GRM7: variants seen among roughly 807,000 people sequenced by gnomAD.
GRM7 encodes glutamate metabotropic receptor 7.
Under a neutral mutation model 84.5 loss-of-function variants are expected in GRM7, and 35 were observed. The observed-to-expected ratio is 0.41, with a 90% CI of 0.32 to 0.55. The LOEUF is 0.55. Among genes scored for constraint, GRM7 ranks in the 20% least tolerant of loss-of-function variants. The pLI, the probability that GRM7 is intolerant of heterozygous loss-of-function variation, is 0.19. For missense variants in GRM7, 1,003 were observed against 1,194.6 expected, an observed-to-expected ratio of 0.84 and a Z score of 2.36; for synonymous variants, 487 against 455.1, an observed-to-expected ratio of 1.07 and a Z score of -0.89.
intron 3 of GRM7, 81 bp downstream of exon 3, chr3:7,298,906 GA>G (rs753233129): frequency 1.1e-4 from 135 of 1,252,104 alleles, no homozygotes; most frequent in Non-Finnish European, 1.4e-4. Context: ...GCTGAGACAG[GA>G]AAAGATAGCA....
intron 1 of GRM7, among the ~76,000 whole-genome samples, chr3:6,962,087 A>G (rs1693324411): frequency 6.6e-6 from 1 of 152,142 alleles, no homozygotes; most frequent in Non-Finnish European, 1.5e-5. Context: ...GCTAAATTTT[A>G]TGGTACGTCC....
At chr3:7,654,963 A>T (rs1299577826) in intron 8 of GRM7, among the ~76,000 whole-genome samples, 1 of 151,954 alleles carries the variant, frequency 6.6e-6, no homozygotes, top group Middle Eastern at 3.2e-3. Context: ...TCCCTCTTAC[A>T]CTGGGAAGTC....
chr3:6,899,956 GT>G, intron 1 of GRM7, among the ~76,000 whole-genome samples: 1 of 152,168 alleles, frequency 6.6e-6, no homozygotes, highest in African/African-American at 2.4e-5. Context: ...AGTCAAATAC[GT>G]CTTTGTCAAA....
chr3:7,393,208 A>G (rs1017746296), intron 4 of GRM7, among the ~76,000 whole-genome samples: 1 of 152,098 alleles, frequency 6.6e-6, no homozygotes, highest in African/African-American at 2.4e-5. Flanking sequence ...CAGTGCAGCA[A>G]CTGCAGCTGT....
chr3:7,288,609 A>G (rs1699512566), intron 2 of GRM7, among the ~76,000 whole-genome samples: 1 of 152,174 alleles, frequency 6.6e-6, no homozygotes, highest in Non-Finnish European at 1.5e-5. Flanking sequence ...TGTTCAAATA[A>G]GAATGGAGGC....
Position 6,996,021 on chromosome 3 carries a change from G to A in GRM7, c.519+134114G>A, listed in dbSNP as rs142403721. 2.2e-4 allele frequency among the ~76,000 whole-genome samples: 34 copies of A among 152,202 alleles called. No homozygotes were observed. In the East Asian group the frequency reaches 5.8e-3, roughly 26 times the overall value. On this transcript the variant is annotated intron_variant, in intron 1 of 9. Coordinates refer to ENST00000357716, the MANE Select transcript of GRM7 (RefSeq NM_000844.4). ...GCATCCAGCCATACATATGCCTGAT[G>A]ACATGTCCTTTTCTGTGTTTATAAT...
At chr3:7,064,479 T>TAC (rs372086997) in intron 1 of GRM7, among the ~76,000 whole-genome samples, 4,924 of 99,382 alleles carry the variant, frequency 0.05, 513 homozygotes, top group African/African-American at 0.13. Flanking sequence ...TATATATATA[T>TAC]ACACACATAT....
chr3:7,149,898 A>T (rs1402402729), intron 2 of GRM7, among the ~76,000 whole-genome samples: 1 of 152,218 alleles, frequency 6.6e-6, no homozygotes, highest in African/African-American at 2.4e-5. Context: ...AACTTTGAAA[A>T]TAACTTGAGT....
intron 7 of GRM7, among the ~76,000 whole-genome samples, chr3:7,532,579 G>A (rs1701080019): frequency 1.3e-5 from 2 of 151,800 alleles, no homozygotes; most frequent in East Asian, 3.9e-4. Context: ...CAGTTCCTGG[G>A]CTCATTGATT....
intron 9 of GRM7, among the ~76,000 whole-genome samples, chr3:7,722,656 T>C (rs149165677): frequency 8.7e-4 from 133 of 152,208 alleles, no homozygotes; most frequent in African/African-American, 3.0e-3. Flanking sequence ...TTGGCCAGGC[T>C]GGTCTCAAAC....
Position 6,950,997 on chromosome 3 carries a change from C to T in GRM7, c.519+89090C>T, listed in dbSNP as rs574895164. ...GGAAAGGGAATTCCCTGACCCCTTG[C>T]GCTTCCCGGGTGAGGTGATGCCTCT... is the stretch of plus-strand genomic sequence containing the variant. On this transcript the variant is annotated intron_variant, in intron 1 of 9. Transcript: ENST00000357716. 7.4e-4 allele frequency among the ~76,000 whole-genome samples: 113 copies of T among 152,304 alleles called. 2 individuals are homozygous for T. The highest frequency in any genetic ancestry group is 6.8e-3 in the Middle Eastern group (2 of 294).
chr3:7,291,532 CT>C (rs1699625495), intron 2 of GRM7, among the ~76,000 whole-genome samples: 1 of 134,720 alleles, frequency 7.4e-6, no homozygotes, highest in Non-Finnish European at 1.6e-5. Context: ...CTCTCTCTCT[CT>C]CTCTCTCTCT....
chr3:7,464,986 ACT>A (rs1214617893), intron 7 of GRM7, among the ~76,000 whole-genome samples: 3 of 152,004 alleles, frequency 2.0e-5, no homozygotes, highest in Non-Finnish European at 4.4e-5. Context: ...AGAGTGCGAG[ACT>A]CTGTCTCAGA....
chr3:7,613,864 A>G (rs1696957348), intron 8 of GRM7, among the ~76,000 whole-genome samples: 1 of 152,214 alleles, frequency 6.6e-6, no homozygotes, highest in African/African-American at 2.4e-5. Context: ...CATTTTTAGT[A>G]GAAGTTTTGA....
chr3:7,156,114 G>GAACTA (rs1694440297), intron 2 of GRM7, among the ~76,000 whole-genome samples: 1 of 152,102 alleles, frequency 6.6e-6, no homozygotes, highest in Non-Finnish European at 1.5e-5. Flanking sequence ...CTAGTGTGTA[G>GAACTA]GTTGTGAGAA....
At chr3:7,630,121 G>T (rs760575602) in intron 8 of GRM7, among the ~76,000 whole-genome samples, 3 of 152,112 alleles carry the variant, frequency 2.0e-5, no homozygotes, top group Admixed American at 6.6e-5. Context: ...TTGATACTCT[G>T]CATATATTTT....
chr3:7,576,221 T>G (rs1395762464), intron 7 of GRM7, among the ~76,000 whole-genome samples: 1 of 152,190 alleles, frequency 6.6e-6, no homozygotes, highest in Non-Finnish European at 1.5e-5. Flanking sequence ...TTCTCTCTTG[T>G]CATAAGTTAT....
chr3:7,170,919 A>G (rs1694962946), intron 2 of GRM7, among the ~76,000 whole-genome samples: 1 of 152,122 alleles, frequency 6.6e-6, no homozygotes, highest in Non-Finnish European at 1.5e-5. Context: ...TGTACAGGCC[A>G]CCTTTCAAAG....
At chr3:7,211,527 A>T (rs1441698261) in intron 2 of GRM7, among the ~76,000 whole-genome samples, 4 of 152,074 alleles carry the variant, frequency 2.6e-5, no homozygotes, top group African/African-American at 7.2e-5. Flanking sequence ...GGTAAAATAA[A>T]GTCAACCCAT....
Sources: gnomAD v4.1 joint callset for allele counts (sites outside exome capture counted in the v4.1 genomes callset) on GRCh38, gnomAD v4.1.1 for gene constraint, MANE v1.5 for transcripts, NCBI Gene and HGNC (gene_info 2026-07-23, HGNC 2026-07-21) for gene names.